Variants in VAMP4 observed in about 807,000 individuals in gnomAD.
The protein encoded by VAMP4 is vesicle-associated membrane protein 4.
In VAMP4, 19 loss-of-function variants were observed where a neutral mutation model predicts 23.5. The ratio of observed to expected loss-of-function variants is 0.81; its 90% CI spans 0.56 to 1.19. The LOEUF is 1.19. Ranked by LOEUF, VAMP4 falls within the 50% of genes most tolerant of loss-of-function variation. VAMP4 has a pLI of 0.00. For missense variants in VAMP4, 145 were observed against 168.6 expected, an observed-to-expected ratio of 0.86 and a Z score of 0.78; for synonymous variants, 31 against 51.0, an observed-to-expected ratio of 0.61 and a Z score of 1.67.
chr1:171,741,535 C>T (rs538464538), intron 1 of VAMP4, among the ~76,000 whole-genome samples: 2 of 150,818 alleles, frequency 1.3e-5, no homozygotes, highest in East Asian at 3.9e-4. Context: ...CACCAGGCCA[C>T]GTCCCACGAT....
intron 1 of VAMP4, 26 bp from the exon 2 acceptor site, chr1:171,738,489 G>C (rs774076264): frequency 2.6e-5 from 38 of 1,464,880 alleles, no homozygotes; most frequent in Non-Finnish European, 3.5e-5. Context: ...AATTTCATCA[G>C]ATTTGAGACT....
intron 1 of VAMP4, among the ~76,000 whole-genome samples, chr1:171,740,012 GA>G (rs1356038457): frequency 6.6e-6 from 1 of 152,150 alleles, no homozygotes; most frequent in Non-Finnish European, 1.5e-5. Context: ...CAGAAATACT[GA>G]ATGTTTTACT....
chr1:171,712,032 G>A (rs1654863870), intron 4 of VAMP4, among the ~76,000 whole-genome samples: 1 of 152,122 alleles, frequency 6.6e-6, no homozygotes, highest in South Asian at 2.1e-4. Flanking sequence ...TAGCCTAGGT[G>A]TGTAGCAGAC....
chr1:171,715,699 G>A (rs140761397), intron 4 of VAMP4, among the ~76,000 whole-genome samples: 3 of 152,146 alleles, frequency 2.0e-5, no homozygotes, highest in African/African-American at 7.2e-5. Context: ...TCTGCAATAC[G>A]CACCCCTTAT....
chr1:171,733,619 CA>C (rs34021978), intron 2 of VAMP4, among the ~76,000 whole-genome samples: 1 of 151,964 alleles, frequency 6.6e-6, no homozygotes, highest in Non-Finnish European at 1.5e-5. Context: ...GATACAGTGT[CA>C]AAAAAGAATA....
chr1:171,720,512 A>T (rs1655156954), intron 3 of VAMP4, among the ~76,000 whole-genome samples: 1 of 151,552 alleles, frequency 6.6e-6, no homozygotes, highest in Non-Finnish European at 1.5e-5. Flanking sequence ...AAAAGAAAGA[A>T]GGCATAAATT....
chr1:171,724,988 G>A (rs1655321014), intron 3 of VAMP4, among the ~76,000 whole-genome samples: 1 of 152,050 alleles, frequency 6.6e-6, no homozygotes, highest in Admixed American at 6.6e-5. Flanking sequence ...ACAGTTCTGT[G>A]GCATTAAGTA....
rs567432831 is a variant in VAMP4, at chr1:171,702,471, T to A, written c.*2035A>T. 6.6e-6 allele frequency: 1 copy of A among 152,052 alleles called. No individual in the cohort carries two copies. Among genetic ancestry groups the A allele is most frequent in the Admixed American group, 6.6e-5 (1 of 15,258 alleles). The allele number at this position is 152,052 out of a possible 1,614,324, so 9.4% of individuals were successfully genotyped here. On this transcript the variant is annotated 3_prime_UTR_variant, in exon 8 of 8. Transcript: ENST00000236192. ...TAATTATTTATTTAAAAGTGGCATA[T>A]TTTATTAAAAGGAACACTGGAAATA...
At chr1:171,720,312 G>A (rs916771896) in intron 3 of VAMP4, among the ~76,000 whole-genome samples, 5 of 151,906 alleles carry the variant, frequency 3.3e-5, no homozygotes, top group South Asian at 2.1e-4. Context: ...AAACTATAAA[G>A]TGAAATAGAA....
intron 2 of VAMP4, among the ~76,000 whole-genome samples, chr1:171,731,933 G>T (rs1371629231): frequency 6.6e-6 from 1 of 152,098 alleles, no homozygotes; most frequent in Non-Finnish European, 1.5e-5. Flanking sequence ...CCATCAAGAA[G>T]ATTTAATAGC....
At chr1:171,733,224 G>C (rs562035778) in intron 2 of VAMP4, among the ~76,000 whole-genome samples, 2 of 146,796 alleles carry the variant, frequency 1.4e-5, no homozygotes, top group Non-Finnish European at 1.5e-5. Context: ...TTGGGAAGAT[G>C]AGGAGGGAGG....
intron 4 of VAMP4, among the ~76,000 whole-genome samples, chr1:171,717,873 AAG>A (rs1655069415): frequency 6.6e-6 from 1 of 152,132 alleles, no homozygotes; most frequent in African/African-American, 2.4e-5. Flanking sequence ...TTAGTCAAAT[AAG>A]AGACTTGAAA....
intron 4 of VAMP4, among the ~76,000 whole-genome samples, chr1:171,715,984 G>A (rs762619626): frequency 3.9e-5 from 6 of 152,132 alleles, no homozygotes; most frequent in Non-Finnish European, 7.4e-5. Flanking sequence ...CTGGGTGATG[G>A]AGCAAAACCC....
chr1:171,731,424 A>T (rs1655562867), intron 2 of VAMP4, among the ~76,000 whole-genome samples: 2 of 139,320 alleles, frequency 1.4e-5, no homozygotes, highest in South Asian at 4.5e-4. Context: ...AATAATAATA[A>T]TAAAAAAAAC....
intron 4 of VAMP4, among the ~76,000 whole-genome samples, chr1:171,718,283 G>GAT: frequency 6.6e-6 from 1 of 152,216 alleles, no homozygotes; most frequent in Non-Finnish European, 1.5e-5. Context: ...CCAATAACTA[G>GAT]ATACTTCATT....
intron 3 of VAMP4, among the ~76,000 whole-genome samples, chr1:171,727,196 C>T (rs916836314): frequency 6.9e-6 from 1 of 145,326 alleles, no homozygotes; most frequent in African/African-American, 2.6e-5. Context: ...GCCAAGACTG[C>T]GCCAGGACAC....
chr1:171,706,456 C>CT, intron 6 of VAMP4, 38 bp from the exon 7 acceptor site: 1 of 1,572,312 alleles, frequency 6.4e-7, no homozygotes, highest in African/African-American at 1.4e-5. Flanking sequence ...TAATATTTGA[C>CT]TTGTTAATAA....
At chr1:171,704,940 T>C (rs1654603575) in intron 7 of VAMP4, among the ~76,000 whole-genome samples, 1 of 152,084 alleles carries the variant, frequency 6.6e-6, no homozygotes, top group Non-Finnish European at 1.5e-5. Flanking sequence ...TCTCTACTAA[T>C]TGTAAGATTA....
chr1:171,718,309 C>T (rs1655082544), intron 4 of VAMP4, among the ~76,000 whole-genome samples: 1 of 152,172 alleles, frequency 6.6e-6, no homozygotes, highest in Non-Finnish European at 1.5e-5. Context: ...ACCCTTCCCA[C>T]AATGTGCCAT....
Sources: allele counts gnomAD v4.1 joint callset (sites outside exome capture counted in the v4.1 genomes callset), GRCh38; gene constraint gnomAD v4.1.1; transcripts MANE v1.5; gene names NCBI Gene and HGNC (gene_info 2026-07-23, HGNC 2026-07-21).